The following TANGO2 variants were observed in gnomAD, a reference collection of about 807,000 sequenced individuals.
The protein encoded by TANGO2 is transport and golgi organization 2 homolog.
TANGO2 carries 26 observed loss-of-function variants against 39.1 expected under a neutral mutation model. That is an observed-to-expected ratio of 0.67 (90% CI 0.49 to 0.92). TANGO2 has a LOEUF of 0.92. Ranked by LOEUF, TANGO2 falls within the 40% of genes least tolerant of loss-of-function variation. The pLI is 0.00. For synonymous variants in TANGO2, 131 were observed against 144.5 expected (o/e 0.91, Z 0.67); for missense variants, 326 against 360.1 (o/e 0.91, Z 0.77).
intron 1 of TANGO2, among the ~76,000 whole-genome samples, chr22:20,029,537 G>A (rs959442142): frequency 2.6e-5 from 4 of 152,172 alleles, no homozygotes; most frequent in East Asian, 1.9e-4. Flanking sequence ...CCTTGGCTGC[G>A]GTGTGAAGAG....
upstream of TANGO2, among the ~76,000 whole-genome samples, chr22:20,018,469 T>C (rs145887233): frequency 9.8e-5 from 15 of 152,314 alleles, no homozygotes; most frequent in East Asian, 2.9e-3. Context: ...CATTGGACCC[T>C]GGTTCTGCTG....
rs1385428013 is a variant in TANGO2 at position 20,064,691 on chromosome 22, C to T, written c.*29C>T. 1.2e-6 allele frequency: 2 copies of T among 1,612,376 alleles called. No homozygotes were observed. The highest frequency in any genetic ancestry group is 1.1e-5 in the South Asian group (1 of 90,974). ...CACCTCTGGGCCTGGCCAGTGGGCT[C>T]CTGGGGGGCCCTGCCTTGAGGGGCA... On this transcript the variant is annotated 3_prime_UTR_variant, in exon 9 of 9. Coordinates refer to ENST00000327374, the MANE Select transcript of TANGO2 (RefSeq NM_152906.7).
At chr22:20,017,215 A>ACTCG (rs1376726341), upstream of TANGO2, 1 of 152,124 alleles carries the variant, frequency 6.6e-6, no homozygotes, top group Non-Finnish European at 1.5e-5. Context: ...AGCGCCTGCT[A>ACTCG]CTCGCTGCGC....
intron 1 of TANGO2, among the ~76,000 whole-genome samples, chr22:20,036,177 C>G (rs1349725430): frequency 1.3e-5 from 2 of 152,164 alleles, no homozygotes; most frequent in Non-Finnish European, 2.9e-5. Context: ...AAAAAAACAC[C>G]TGAAGCCCCT....
rs1204450412 is a variant in TANGO2, at chr22:20,037,176, A to G, written c.56+322A>G. 11 of 1,438,108 alleles carry G rather than the reference A, an allele frequency of 7.6e-6. No individual in the cohort carries two copies. The East Asian group carries it at 1.9e-4, about 24-fold the overall frequency. The allele number at this position is 1,438,108 out of a possible 1,614,324, so 89.1% of individuals were successfully genotyped here. On this transcript the variant is annotated intron_variant, in intron 2 of 8. Coordinates refer to ENST00000327374, the MANE Select transcript of TANGO2 (RefSeq NM_152906.7). ...AGGGTCGGGCGGCAGAACTGGGACA[A>G]CGGCGTCAGTGAGTGAGAGCCAGCT...
At chr22:20,027,058 T>C (rs753234780) in intron 1 of TANGO2, among the ~76,000 whole-genome samples, 8 of 152,188 alleles carry the variant, frequency 5.3e-5, no homozygotes, top group Non-Finnish European at 1.0e-4. Flanking sequence ...GCTCAGCTTC[T>C]GGGGAGGCCT....
rs2046235693 is a variant in TANGO2 at position 20,050,971 on chromosome 22, G to A, written c.146-1494G>A. Among the ~76,000 whole-genome samples the A allele has an allele frequency of 2.0e-5, 3 of 150,702 alleles. No individual in the cohort carries two copies. The South Asian group carries it at 6.3e-4, about 32-fold the overall frequency. Reference sequence around the variant, plus strand: ...GCCCCCCGAGTAGCTGGGATTATAGGCTGCCTCAGCCTCCTAAGTAGTTGG... The same window carrying A: ...GCCCCCCGAGTAGCTGGGATTATAGACTGCCTCAGCCTCCTAAGTAGTTGG... On this transcript the variant is annotated intron_variant, in intron 3 of 8. Coordinates refer to ENST00000327374, the MANE Select transcript of TANGO2 (RefSeq NM_152906.7).
intron 2 of TANGO2, among the ~76,000 whole-genome samples, chr22:20,039,366 C>A (rs536095528): frequency 6.6e-6 from 1 of 151,728 alleles, no homozygotes; most frequent in South Asian, 2.1e-4. Context: ...CGGTGGCTCA[C>A]GCCTGTAATC....
Position 20,028,796 on chromosome 22 carries a change from C to G in TANGO2, c.-40+7550C>G, listed in dbSNP as rs192729899. Among the ~76,000 whole-genome samples the G allele has an allele frequency of 5.9e-5, 9 of 152,324 alleles. No homozygotes were observed. The East Asian group carries it at 1.5e-3, about 26-fold the overall frequency. ...CCTGCAGCACTGAGGTCTGCCTGTT[C>G]CCCACTGGGTCCTCCATTTGAGGCC... is the stretch of plus-strand genomic sequence containing the variant. On this transcript the variant is annotated intron_variant, in intron 1 of 8. Coordinates refer to ENST00000327374, the MANE Select transcript of TANGO2 (RefSeq NM_152906.7).
Position 20,065,730 on chromosome 22 carries a change from C to G in TANGO2, c.*1068C>G, listed in dbSNP as rs2049123967. 1 of 152,260 alleles carries G rather than the reference C, an allele frequency of 6.6e-6. No homozygotes were observed. The allele number at this position is 152,260 out of a possible 1,614,324, so 9.4% of individuals were successfully genotyped here. A position where few individuals can be genotyped will look rare whatever the true frequency, so the allele number is the denominator to read the frequency against. ...GAGGTCCTCTGTGTTTGAGACAATCCTGTGTGTGCCAGGAGGCTCCGTGTG... is the reference window on the plus strand; with the variant it reads ...GAGGTCCTCTGTGTTTGAGACAATCGTGTGTGTGCCAGGAGGCTCCGTGTG... On this transcript the variant is annotated 3_prime_UTR_variant, in exon 9 of 9. Coordinates refer to ENST00000327374, the MANE Select transcript of TANGO2 (RefSeq NM_152906.7).
chr22:20,019,141 C>CAGT (rs917829547), upstream of TANGO2: 1 of 152,172 alleles, frequency 6.6e-6, no homozygotes, highest in African/African-American at 2.4e-5. Flanking sequence ...CCACAGGGAC[C>CAGT]AGTAGCCCAG....
At position 20,064,708 on chromosome 22, in the gene TANGO2, T is replaced by C; in HGVS notation, c.*46T>C. 11 of 1,608,220 alleles carry C rather than the reference T, an allele frequency of 6.8e-6. No homozygotes were observed. Among genetic ancestry groups the C allele is most frequent in the Non-Finnish European group, 9.3e-6 (11 of 1,177,140 alleles). On this transcript the variant is annotated 3_prime_UTR_variant, in exon 9 of 9. Coordinates refer to ENST00000327374, the MANE Select transcript of TANGO2 (RefSeq NM_152906.7). The stretch of plus-strand genomic sequence containing the variant: ...AGTGGGCTCCTGGGGGGCCCTGCCT[T>C]GAGGGGCACTGTGGACAGGAAACCT...
At chr22:20,024,190 C>T (rs1482088383) in intron 1 of TANGO2, among the ~76,000 whole-genome samples, 1 of 152,190 alleles carries the variant, frequency 6.6e-6, no homozygotes, top group Non-Finnish European at 1.5e-5. Flanking sequence ...TGCACTCCAG[C>T]CTGGGCGACA....
intron 6 of TANGO2, 78 bp from the exon 7 acceptor site, chr22:20,061,452 T>C (rs2048361356): frequency 1.4e-6 from 2 of 1,477,538 alleles, no homozygotes; most frequent in South Asian, 2.7e-5. Flanking sequence ...TACCCCGTGT[T>C]AGGTGGGTGG....
chr22:20,035,524 T>A (rs1386283243), intron 1 of TANGO2, among the ~76,000 whole-genome samples: 1 of 152,238 alleles, frequency 6.6e-6, no homozygotes, highest in African/African-American at 2.4e-5. Context: ...TGCACTCGTT[T>A]GCATTGTGGA....
Position 20,066,401 on chromosome 22 carries a change from A to C in TANGO2, c.*1739A>C, listed in dbSNP as rs2147886786. The C allele has an allele frequency of 6.6e-6, 1 of 152,396 alleles. No homozygotes were observed. Among genetic ancestry groups the C allele is most frequent in the East Asian group, 1.9e-4 (1 of 5,174 alleles). The allele number at this position is 152,396 out of a possible 1,614,324, so 9.4% of individuals were successfully genotyped here. On this transcript the variant is annotated 3_prime_UTR_variant, in exon 9 of 9. Transcript: ENST00000327374. ...TAGACTTTTCTAAGCCTCTGCACCC[A>C]ACCCCTAACTTGGCCTTTTCAGACC...
intron 3 of TANGO2, among the ~76,000 whole-genome samples, chr22:20,045,012 G>T (rs550284859): frequency 1.7e-3 from 261 of 152,314 alleles, no homozygotes; most frequent in Non-Finnish European, 3.0e-3. Flanking sequence ...AAGTGTCGGG[G>T]TGACCATATC....
intron 2 of TANGO2, among the ~76,000 whole-genome samples, chr22:20,039,351 G>A (rs182332686): frequency 1.1e-4 from 16 of 151,660 alleles, no homozygotes; most frequent in African/African-American, 3.1e-4. Context: ...GTTTACAGCC[G>A]GGTGCGGTGG....
chr22:20,039,645 GAAA>G (rs887765161), intron 2 of TANGO2, among the ~76,000 whole-genome samples: 1 of 151,126 alleles, frequency 6.6e-6, no homozygotes, highest in South Asian at 2.1e-4. Flanking sequence ...AAGAAAAAAC[GAAA>G]AAAAACCTGC....
Sources: allele counts gnomAD v4.1 joint callset (sites outside exome capture counted in the v4.1 genomes callset), GRCh38; gene constraint gnomAD v4.1.1; transcripts MANE v1.5; gene names NCBI Gene and HGNC (gene_info 2026-07-23, HGNC 2026-07-21).